Variants in BNC2 observed in about 807,000 individuals in gnomAD.
The protein encoded by BNC2 is zinc finger protein basonuclin-2.
A neutral mutation model predicts 76.3 loss-of-function variants in BNC2; 20 were observed. The observed-to-expected ratio is 0.26, with a 90% CI of 0.18 to 0.38. BNC2 has a LOEUF of 0.38. Ranked by LOEUF, BNC2 falls within the 10% of genes least tolerant of loss-of-function variation. The pLI is 1.00. For missense variants in BNC2, 1,382 were observed against 1,399.8 expected, an observed-to-expected ratio of 0.99 and a Z score of 0.20; for synonymous variants, 582 against 514.8, an observed-to-expected ratio of 1.13 and a Z score of -1.77.
intron 3 of BNC2, among the ~76,000 whole-genome samples, chr9:16,706,180 T>C (rs1245727025): frequency 6.6e-6 from 1 of 152,242 alleles, no homozygotes; most frequent in Admixed American, 6.5e-5. Context: ...GTCATAGTTT[T>C]GCACCCCAAA....
At chr9:16,732,162 A>AAAAAAAAAAAGG in intron 2 of BNC2, among the ~76,000 whole-genome samples, 2 of 123,592 alleles carry the variant, frequency 1.6e-5, no homozygotes, top group East Asian at 4.3e-4. Flanking sequence ...TCCTGCAAAA[A>AAAAAAAAAAAGG]AAAAAGAAAA....
At chr9:16,460,401 T>C (rs541758067) in intron 5 of BNC2, among the ~76,000 whole-genome samples, 10 of 151,914 alleles carry the variant, frequency 6.6e-5, no homozygotes, top group African/African-American at 9.7e-5. Flanking sequence ...GGCGGGTGGA[T>C]TGCTTGAGGC....
chr9:16,652,394 A>T (rs111536292), intron 3 of BNC2, among the ~76,000 whole-genome samples: 41 of 152,296 alleles, frequency 2.7e-4, no homozygotes, highest in African/African-American at 9.9e-4. Flanking sequence ...CAAACCAGTC[A>T]CTTAAACAAA....
intron 3 of BNC2, among the ~76,000 whole-genome samples, chr9:16,633,257 A>G (rs1047158978): frequency 4.6e-5 from 7 of 152,198 alleles, no homozygotes; most frequent in Middle Eastern, 3.2e-3. Flanking sequence ...CCCTGTACCA[A>G]AGAACAAAAT....
At chr9:16,592,750 A>G (rs1464077372) in intron 3 of BNC2, among the ~76,000 whole-genome samples, 1 of 152,154 alleles carries the variant, frequency 6.6e-6, no homozygotes, top group Non-Finnish European at 1.5e-5. Context: ...AGTGGTGTTA[A>G]AACCATTTAA....
intron 3 of BNC2, among the ~76,000 whole-genome samples, chr9:16,597,478 T>C (rs1820125283): frequency 6.6e-6 from 1 of 152,128 alleles, no homozygotes; most frequent in Admixed American, 6.5e-5. Flanking sequence ...CTCTGCAAAC[T>C]GGTAATTACA....
At chr9:16,460,006 G>A (rs955712724) in intron 5 of BNC2, among the ~76,000 whole-genome samples, 26 of 152,070 alleles carry the variant, frequency 1.7e-4, no homozygotes, top group African/African-American at 5.8e-4. Flanking sequence ...ACTGTTGTCA[G>A]GTAATTTTTT....
At chr9:16,792,066 T>C (rs1265068575) in intron 1 of BNC2, among the ~76,000 whole-genome samples, 2 of 147,240 alleles carry the variant, frequency 1.4e-5, no homozygotes, top group African/African-American at 5.0e-5. Context: ...CATGCCACTG[T>C]ACTCCAGCCT....
intron 3 of BNC2, among the ~76,000 whole-genome samples, chr9:16,698,958 C>T (rs369622380): frequency 6.6e-6 from 1 of 152,094 alleles, no homozygotes. Flanking sequence ...TCCTTTTGTA[C>T]AGAAGTTGTA....
rs75270996 is a variant in BNC2 at position 16,695,022 on chromosome 9, G to A, written c.330+32775C>T. On this transcript the variant is annotated intron_variant, in intron 3 of 6. Coordinates refer to ENST00000380672, the MANE Select transcript of BNC2 (RefSeq NM_017637.6). ...GTTACTAAGGTTCTCAGGAAGTGGA[G>A]AGAAGATAAAGTCAAAGGGAGTTAT... is the stretch of plus-strand genomic sequence containing the variant. 1.5e-3 allele frequency among the ~76,000 whole-genome samples: 223 copies of A among 152,302 alleles called. 2 individuals are homozygous for A. The highest frequency in any genetic ancestry group is 5.0e-3 in the African/African-American group (207 of 41,578).
At chr9:16,557,155 T>C (rs1042381755) in intron 4 of BNC2, among the ~76,000 whole-genome samples, 5 of 152,124 alleles carry the variant, frequency 3.3e-5, no homozygotes, top group Non-Finnish European at 7.4e-5. Context: ...CTTTAATATA[T>C]TATGGGCCTA....
At chr9:16,519,210 C>A (rs1034136368) in intron 5 of BNC2, among the ~76,000 whole-genome samples, 3 of 152,088 alleles carry the variant, frequency 2.0e-5, no homozygotes, top group African/African-American at 7.2e-5. Flanking sequence ...CATGATAAAT[C>A]CCAGTGCATT....
chr9:16,464,843 G>A (rs1407220985), intron 5 of BNC2, among the ~76,000 whole-genome samples: 3 of 152,124 alleles, frequency 2.0e-5, no homozygotes, highest in Non-Finnish European at 2.9e-5. Flanking sequence ...AACTAATCAT[G>A]TTCTTCTTTC....
At position 16,409,542 on chromosome 9, in the gene BNC2, A is replaced by C. The variant is rs1418067044; in HGVS notation, c.*9447T>G. On this transcript the variant is annotated 3_prime_UTR_variant, in exon 7 of 7. Transcript: ENST00000380672. The stretch of plus-strand genomic sequence containing the variant: ...ATCTTTAATATAAAAATTGTACAAG[A>C]ATTTTGATACAAATTACAAGAGGTA... The C allele has an allele frequency of 6.6e-6, 1 of 152,628 alleles. No homozygotes were observed. The allele number at this position is 152,628 out of a possible 1,614,324, so 9.5% of individuals were successfully genotyped here. A position where few individuals can be genotyped will look rare whatever the true frequency, so the allele number is the denominator to read the frequency against.
rs183089357 is a variant in BNC2 at position 16,623,962 on chromosome 9, T to C, written c.331-40877A>G. Among the ~76,000 whole-genome samples, 778 of 152,340 alleles carry C rather than the reference T, an allele frequency of 5.1e-3. 10 individuals carry two copies. Among genetic ancestry groups the C allele is most frequent in the Admixed American group, 0.028 (421 of 15,294 alleles). ...TTAAATGTCAAACTTGGAAATCATA[T>C]TGATCTCAAAAGATCACTTCGTTCA... On this transcript the variant is annotated intron_variant, in intron 3 of 6. Transcript: ENST00000380672.
chr9:16,757,349 G>A (rs1203900492), intron 1 of BNC2, among the ~76,000 whole-genome samples: 2 of 152,146 alleles, frequency 1.3e-5, no homozygotes, highest in African/African-American at 2.4e-5. Context: ...ACGATTATCT[G>A]AAGAATCAGA....
At position 16,409,970 on chromosome 9, in the gene BNC2, A is replaced by G. The variant is rs1284601204; in HGVS notation, c.*9019T>C. The G allele has an allele frequency of 1.3e-5, 2 of 152,310 alleles. No homozygotes were observed. Among genetic ancestry groups the G allele is most frequent in the African/African-American group, 2.4e-5 (1 of 41,466 alleles). 9.4% of individuals were successfully genotyped at this position (152,310 alleles called of 1,614,324 possible). A position where few individuals can be genotyped will look rare whatever the true frequency, so the allele number is the denominator to read the frequency against. On this transcript the variant is annotated 3_prime_UTR_variant, in exon 7 of 7. Transcript: ENST00000380672. ...CTAAACTCTGGGAGAGGGAGAGGAC[A>G]TATCTTAGTGAAAATTCCTTTTCTT...
chr9:16,764,552 T>A (rs964405813), intron 1 of BNC2, among the ~76,000 whole-genome samples: 1 of 152,222 alleles, frequency 6.6e-6, no homozygotes, highest in Non-Finnish European at 1.5e-5. Context: ...TGGTTAATAA[T>A]CATTTTACTT....
At chr9:16,808,484 T>TC (rs1383870693) in intron 1 of BNC2, among the ~76,000 whole-genome samples, 2 of 123,414 alleles carry the variant, frequency 1.6e-5, no homozygotes, top group East Asian at 4.2e-4. Context: ...GGCAACTTTT[T>TC]TTTTTTTTTT....
Sources: gnomAD v4.1 joint callset for allele counts (sites outside exome capture counted in the v4.1 genomes callset) on GRCh38, gnomAD v4.1.1 for gene constraint, MANE v1.5 for transcripts, NCBI Gene and HGNC (gene_info 2026-07-23, HGNC 2026-07-21) for gene names.